The following FRMD6 variants were observed in gnomAD, a reference collection of about 807,000 sequenced individuals.
FRMD6 encodes the protein FERM domain-containing protein 6.
FRMD6 carries 37 observed loss-of-function variants against 73.2 expected under a neutral mutation model. The ratio of observed to expected loss-of-function variants is 0.51; its 90% confidence interval spans 0.39 to 0.66. FRMD6 has a LOEUF of 0.66. FRMD6 is among the 30% of genes least tolerant of loss of function. FRMD6 has a pLI of 0.00. For missense variants in FRMD6, 714 were observed against 780.5 expected, an observed-to-expected ratio of 0.91 and a Z score of 1.02; for synonymous variants, 273 against 282.2, an observed-to-expected ratio of 0.97 and a Z score of 0.33.
the FRMD6 span, among the ~76,000 whole-genome samples, chr14:51,452,958 G>T: frequency 3.3e-5 from 5 of 152,180 alleles, no homozygotes; most frequent in African/African-American, 1.2e-4. Context: ...TGGGAGCCAG[G>T]TTGCTTCCAG....
chr14:51,512,932 GA>G (rs1406440030), intron 1 of FRMD6, among the ~76,000 whole-genome samples: 3 of 152,160 alleles, frequency 2.0e-5, no homozygotes, highest in Non-Finnish European at 4.4e-5. Context: ...TCCCAGCAGT[GA>G]AAAGTGCCTC....
chr14:51,588,024 T>C (rs569960055), intron 2 of FRMD6, among the ~76,000 whole-genome samples: 64 of 152,056 alleles, frequency 4.2e-4, no homozygotes, highest in Non-Finnish European at 6.9e-4. Flanking sequence ...GTTTTCATTA[T>C]GTTCTCTAGC....
chr14:51,448,258 G>A, the FRMD6 span, among the ~76,000 whole-genome samples: 1 of 152,066 alleles, frequency 6.6e-6, no homozygotes, highest in East Asian at 1.9e-4. Context: ...CATTCTTACT[G>A]TATTCTCCAT....
intron 1 of FRMD6, among the ~76,000 whole-genome samples, chr14:51,563,129 G>T (rs935035234): frequency 2.6e-5 from 4 of 152,194 alleles, no homozygotes; most frequent in African/African-American, 9.6e-5. Flanking sequence ...CTTCCACGGT[G>T]ACTAGCTCCT....
At chr14:51,725,515 A>G (rs1224993909) in intron 12 of FRMD6, among the ~76,000 whole-genome samples, 2 of 152,216 alleles carry the variant, frequency 1.3e-5, no homozygotes, top group Admixed American at 6.5e-5. Flanking sequence ...TAAATAGCTT[A>G]ATTAGAAGTT....
At chr14:51,726,832 G>A (rs1897984466) in intron 13 of FRMD6, among the ~76,000 whole-genome samples, 1 of 152,158 alleles carries the variant, frequency 6.6e-6, no homozygotes, top group South Asian at 2.1e-4. Flanking sequence ...ACACTTCCTA[G>A]TAAAACATGC....
At chr14:51,428,996 G>GAGAGAGAGGGGAGAGAGAGGGTGGGA in the FRMD6 span, among the ~76,000 whole-genome samples, 1 of 44,898 alleles carries the variant, frequency 2.2e-5, no homozygotes, top group Non-Finnish European at 4.1e-5. Context: ...AGAGAGGGTG[G>GAGAGAGAGGGGAGAGAGAGGGTGGGA]GAGAGAGAGG....
intron 2 of FRMD6, among the ~76,000 whole-genome samples, chr14:51,619,263 A>G (rs1890830995): frequency 6.6e-6 from 1 of 152,180 alleles, no homozygotes; most frequent in African/African-American, 2.4e-5. Context: ...AGGAGGCCAG[A>G]GTTCAACAAT....
chr14:51,712,439 C>CT (rs768724598), intron 8 of FRMD6, 44 bp from the exon 9 acceptor site: 18 of 1,179,458 alleles, frequency 1.5e-5, no homozygotes, highest in Non-Finnish European at 2.3e-5. Flanking sequence ...TTTACAGTAT[C>CT]TATCATTTTT....
At chr14:51,633,949 T>C (rs1251931189) in intron 2 of FRMD6, among the ~76,000 whole-genome samples, 1 of 152,210 alleles carries the variant, frequency 6.6e-6, no homozygotes, top group African/African-American at 2.4e-5. Flanking sequence ...CTTTCAAAAA[T>C]CTGAATCATA....
chr14:51,409,130 C>T, the FRMD6 span, among the ~76,000 whole-genome samples: 1 of 152,042 alleles, frequency 6.6e-6, no homozygotes, highest in Admixed American at 6.6e-5. Context: ...TACTCCTTAC[C>T]TGAGCATGAA....
intron 2 of FRMD6, among the ~76,000 whole-genome samples, chr14:51,573,081 A>G (rs953840517): frequency 3.3e-5 from 5 of 152,162 alleles, no homozygotes; most frequent in African/African-American, 1.2e-4. Flanking sequence ...GACACAGCTG[A>G]GATATAGAAA....
intron 1 of FRMD6, among the ~76,000 whole-genome samples, chr14:51,498,754 G>A (rs1228750555): frequency 2.6e-5 from 4 of 152,204 alleles, no homozygotes; most frequent in Non-Finnish European, 5.9e-5. Flanking sequence ...TTCCATCCAC[G>A]TGACGAAACC....
intron 1 of FRMD6, among the ~76,000 whole-genome samples, chr14:51,660,804 T>C (rs1893170013): frequency 6.6e-6 from 1 of 151,924 alleles, no homozygotes; most frequent in Admixed American, 6.6e-5. Flanking sequence ...TGGTGGAGTA[T>C]AGTCAAGGTA....
At chr14:51,660,238 A>G (rs544325137) in intron 1 of FRMD6, among the ~76,000 whole-genome samples, 2 of 152,200 alleles carry the variant, frequency 1.3e-5, no homozygotes, top group African/African-American at 4.8e-5. Context: ...AATGTGTTTC[A>G]TGTCTAGTTG....
At chr14:51,599,282 T>C (rs1723384663) in intron 2 of FRMD6, among the ~76,000 whole-genome samples, 1 of 152,084 alleles carries the variant, frequency 6.6e-6, no homozygotes, top group Non-Finnish European at 1.5e-5. Context: ...GATAGCTAGC[T>C]ATCCATATGC....
chr14:51,609,934 T>A (rs955602649), intron 2 of FRMD6, among the ~76,000 whole-genome samples: 3 of 152,192 alleles, frequency 2.0e-5, no homozygotes, highest in Admixed American at 2.0e-4. Flanking sequence ...CTCTGCTCAG[T>A]CAGCAGAGAA....
upstream of FRMD6, among the ~76,000 whole-genome samples, chr14:51,488,389 G>T (rs903728800): frequency 6.6e-6 from 1 of 152,156 alleles, no homozygotes; most frequent in East Asian, 1.9e-4. Flanking sequence ...TTCTGTTATT[G>T]TGCCAGTCTT....
In FRMD6 at chr14:51,725,809, C is replaced by A; in HGVS notation, c.1523C>A (p.Thr508Asn). The change falls in exon 13 of 14, where the codon ACC becomes AAC. Residue 508 changes from threonine (T) to asparagine (N), a missense_variant. Thr to Asn is a moderately conservative substitution (Grantham distance 65, BLOSUM62 0). Coordinates refer to ENST00000344768, the MANE Select transcript of FRMD6 (RefSeq NM_001267046.2). ...GLIVKEIGSS[T>N]SSSSETVVKL... is the part of the protein sequence containing the mutation. ...ATTGTGAAAGAAATTGGGTCTTCCACCTCGAGCTCTTCAGAAACAGTTGTT... is the reference window on the plus strand; with the variant it reads ...ATTGTGAAAGAAATTGGGTCTTCCAACTCGAGCTCTTCAGAAACAGTTGTT... 6.2e-7 allele frequency: 1 copy of A among 1,613,834 alleles called. No homozygotes were observed. Among genetic ancestry groups the A allele is most frequent in the African/African-American group, 1.3e-5 (1 of 75,028 alleles).
Sources: gnomAD v4.1 joint callset for allele counts (sites outside exome capture counted in the v4.1 genomes callset) on GRCh38, gnomAD v4.1.1 for gene constraint, MANE v1.5 for transcripts, NCBI Gene and HGNC (gene_info 2026-07-23, HGNC 2026-07-21) for gene names.